CCSER1: variants seen among roughly 807,000 people sequenced by gnomAD.
CCSER1 encodes coiled-coil serine rich protein 1.
Under a neutral mutation model 82.0 loss-of-function variants are expected in CCSER1, and 41 were observed. The observed-to-expected ratio is 0.50, with a 90% CI of 0.39 to 0.65. The LOEUF (loss-of-function observed/expected upper bound fraction) is 0.65, where lower values mean the gene tolerates loss of function less well. Ranked by LOEUF, CCSER1 falls within the 30% of genes least tolerant of loss-of-function variation. The probability of loss-of-function intolerance (pLI) is 0.00; values close to 1 mark genes in which losing one functional copy is unlikely to be tolerated. For synonymous variants in CCSER1, 414 were observed against 383.9 expected (o/e 1.08, Z -0.92); for missense variants, 1,119 against 1,064.2 (o/e 1.05, Z -0.72).
chr4:91,120,889 G>A (rs1005015998), intron 10 of CCSER1, among the ~76,000 whole-genome samples: 4 of 151,832 alleles, frequency 2.6e-5, no homozygotes, highest in Middle Eastern at 3.4e-3. Context: ...AAGAAAGAGG[G>A]GATGACAAGT....
In CCSER1 at chr4:90,438,844, C is replaced by G. The variant is rs571982187; in HGVS notation, c.1604-29390C>G. 8.9e-4 allele frequency among the ~76,000 whole-genome samples: 136 copies of G among 152,128 alleles called. No homozygotes were observed. In the Middle Eastern group the frequency reaches 0.014, roughly 15 times the overall value. ...CAGAGAACTTGATTGCCCTTTGATT[C>G]TGAATCATTAGAAAAATTACATTCT... On this transcript the variant is annotated intron_variant, in intron 4 of 10. Coordinates refer to ENST00000509176, the MANE Select transcript of CCSER1 (RefSeq NM_001145065.2).
rs1185952051 is a variant in CCSER1, at chr4:90,308,578, C to A, written c.294C>A (p.Ser98Arg). ...CAAATGGTGCTCAACCTGGTCACAG[C>A]AATATGCAGAAACTGAGTTTGGAAG... is the stretch of plus-strand genomic sequence containing the variant. ...SISNGAQPGH[S>R]NMQKLSLEEH... Residue 98 changes from serine to arginine, a missense_variant, in exon 2 of 11, where the codon AGC becomes AGA. Coordinates refer to ENST00000509176, the MANE Select transcript of CCSER1 (RefSeq NM_001145065.2). 6.2e-7 allele frequency: 1 copy of A among 1,613,862 alleles called. No individual in the cohort carries two copies. Among genetic ancestry groups the A allele is most frequent in the South Asian group, 1.1e-5 (1 of 91,068 alleles).
chr4:90,409,031 T>C (rs898087714), intron 4 of CCSER1, among the ~76,000 whole-genome samples: 4 of 151,954 alleles, frequency 2.6e-5, no homozygotes, highest in Non-Finnish European at 5.9e-5. Flanking sequence ...AGGGTATCAG[T>C]GATGGAAGAC....
chr4:90,269,748 G>T (rs1272882542), intron 1 of CCSER1, among the ~76,000 whole-genome samples: 1 of 151,636 alleles, frequency 6.6e-6, no homozygotes, highest in African/African-American at 2.4e-5. Flanking sequence ...AGTTGGTTTT[G>T]TAAAAAGATT....
At chr4:91,241,457 C>A (rs1256077696) in intron 10 of CCSER1, among the ~76,000 whole-genome samples, 1 of 147,796 alleles carries the variant, frequency 6.8e-6, no homozygotes, top group Admixed American at 6.8e-5. Context: ...TCCCGAGTAG[C>A]TGGGACTACA....
At chr4:90,640,167 G>A (rs1726224280) in intron 6 of CCSER1, among the ~76,000 whole-genome samples, 1 of 152,054 alleles carries the variant, frequency 6.6e-6, no homozygotes, top group Non-Finnish European at 1.5e-5. Flanking sequence ...TAAGCTTTAG[G>A]AATTTCAATA....
chr4:90,694,797 G>T (rs922486113), intron 6 of CCSER1, among the ~76,000 whole-genome samples: 1 of 145,364 alleles, frequency 6.9e-6, no homozygotes, highest in Non-Finnish European at 1.5e-5. Context: ...GTGTGTGTGG[G>T]GTGTGTGTGT....
chr4:91,206,603 G>T (rs951304201), intron 10 of CCSER1, among the ~76,000 whole-genome samples: 1 of 151,906 alleles, frequency 6.6e-6, no homozygotes, highest in East Asian at 1.9e-4. Context: ...TAAGGGGCCA[G>T]AAGGGCTGGG....
In CCSER1 at chr4:90,611,059, C is replaced by CTTTTTTTTTTTTTTTTTTTTT. The variant is rs201354908; in HGVS notation, c.1725-16946_1725-16945insTTTTTTTTTTTTTTTTTTTTT. On this transcript the variant is annotated intron_variant, in intron 5 of 10. Transcript: ENST00000509176. ...TGCCTGGCTAATTTTCTTTTCTTTT[C>CTTTTTTTTTTTTTTTTTTTTT]TTTTTTTTTTTTTTTTTTTTGTAGA... 6.0e-4 allele frequency among the ~76,000 whole-genome samples: 56 copies of CTTTTTTTTTTTTTTTTTTTTT among 93,820 alleles called. 8 individuals carry two copies. The highest frequency in any genetic ancestry group is 1.7e-3 in the African/African-American group (31 of 17,972). 61.5% of individuals were successfully genotyped at this position (93,820 alleles called of 152,430 possible).
intron 10 of CCSER1, among the ~76,000 whole-genome samples, chr4:91,131,638 A>G (rs1229751433): frequency 1.3e-5 from 2 of 152,130 alleles, no homozygotes; most frequent in Admixed American, 6.6e-5. Context: ...CTATTCATCA[A>G]TCTGTTGATC....
At chr4:91,345,303 C>G (rs1747980095) in intron 10 of CCSER1, among the ~76,000 whole-genome samples, 1 of 152,046 alleles carries the variant, frequency 6.6e-6, no homozygotes, top group Non-Finnish European at 1.5e-5. Context: ...AGGAGAATCG[C>G]TTGAACCTGG....
At chr4:91,354,537 C>T (rs909133455) in intron 10 of CCSER1, among the ~76,000 whole-genome samples, 1 of 152,208 alleles carries the variant, frequency 6.6e-6, no homozygotes, top group Non-Finnish European at 1.5e-5. Context: ...GTAATTGGAA[C>T]TCCACCATGT....
intron 1 of CCSER1, among the ~76,000 whole-genome samples, chr4:90,196,142 T>C (rs1370888074): frequency 6.6e-6 from 1 of 151,450 alleles, no homozygotes; most frequent in Non-Finnish European, 1.5e-5. Context: ...GTGTTCCAGT[T>C]CTGGTCAATG....
Position 90,314,815 on chromosome 4 carries a change from A to G in CCSER1, c.1509+1768A>G, listed in dbSNP as rs544049283. Among the ~76,000 whole-genome samples the G allele has an allele frequency of 9.9e-5, 15 of 150,792 alleles. No homozygotes were observed. The East Asian group carries it at 2.9e-3, about 29-fold the overall frequency. On this transcript the variant is annotated intron_variant, in intron 3 of 10. Coordinates refer to ENST00000509176, the MANE Select transcript of CCSER1 (RefSeq NM_001145065.2). Reference sequence around the variant, plus strand: ...TAAAAAGTGCTTCTTATAATATCACAAAGTCACTCTTCTCAGATTTACTTT... The same window carrying G: ...TAAAAAGTGCTTCTTATAATATCACGAAGTCACTCTTCTCAGATTTACTTT...
At chr4:90,300,508 C>T (rs1213973882) in intron 1 of CCSER1, among the ~76,000 whole-genome samples, 1 of 152,012 alleles carries the variant, frequency 6.6e-6, no homozygotes, top group East Asian at 1.9e-4. Context: ...CATTTAAGTG[C>T]CAACCAACTG....
chr4:90,788,102 T>G (rs1754759944), intron 7 of CCSER1, among the ~76,000 whole-genome samples: 1 of 152,192 alleles, frequency 6.6e-6, no homozygotes, highest in Admixed American at 6.6e-5. Context: ...CATCAATTTC[T>G]AATATTATCC....
intron 10 of CCSER1, among the ~76,000 whole-genome samples, chr4:91,216,486 A>T (rs986260793): frequency 5.3e-5 from 8 of 151,864 alleles, no homozygotes; most frequent in African/African-American, 1.9e-4. Context: ...CACCCGGCTA[A>T]TTTTTTTGTG....
At chr4:91,185,742 C>T (rs193205377) in intron 10 of CCSER1, among the ~76,000 whole-genome samples, 1 of 152,236 alleles carries the variant, frequency 6.6e-6, no homozygotes, top group Admixed American at 6.5e-5. Flanking sequence ...TTTCTTTTTT[C>T]CCCTATCTGG....
chr4:91,020,105 A>G (rs956464469), intron 9 of CCSER1, among the ~76,000 whole-genome samples: 6 of 152,208 alleles, frequency 3.9e-5, no homozygotes, highest in Non-Finnish European at 8.8e-5. Context: ...ATGAATAAAA[A>G]TAGCCAAGAC....
Sources: allele counts gnomAD v4.1 joint callset (sites outside exome capture counted in the v4.1 genomes callset), GRCh38; gene constraint gnomAD v4.1.1; transcripts MANE v1.5; gene names NCBI Gene and HGNC (gene_info 2026-07-23, HGNC 2026-07-21).